ITGB1BP1: variants seen among roughly 807,000 people sequenced by gnomAD.
ITGB1BP1 encodes integrin beta-1-binding protein 1.
In ITGB1BP1, 20 loss-of-function variants were observed where a neutral mutation model predicts 28.0. That is an observed-to-expected ratio of 0.71 (90% CI 0.50 to 1.04). The LOEUF (loss-of-function observed/expected upper bound fraction) is 1.04, where lower values mean the gene tolerates loss of function less well. Among genes scored for constraint, ITGB1BP1 ranks in the 50% least tolerant of loss-of-function variants. The pLI is 0.00. For synonymous variants in ITGB1BP1, 103 were observed against 89.5 expected, an observed-to-expected ratio of 1.15 and a Z score of -0.85; for missense variants, 228 against 242.5, an observed-to-expected ratio of 0.94 and a Z score of 0.40.
chr2:9,422,232 T>A (rs1004858101), intron 1 of ITGB1BP1, among the ~76,000 whole-genome samples: 2 of 152,240 alleles, frequency 1.3e-5, no homozygotes, highest in African/African-American at 4.8e-5. Flanking sequence ...GCCACTAGCC[T>A]GCTGAAAATC....
At chr2:9,408,994 G>A (rs1558422731) in intron 4 of ITGB1BP1, among the ~76,000 whole-genome samples, 2 of 152,228 alleles carry the variant, frequency 1.3e-5, no homozygotes, top group African/African-American at 4.8e-5. Flanking sequence ...CACATATCCT[G>A]CCCAGATGGG....
intron 4 of ITGB1BP1, among the ~76,000 whole-genome samples, chr2:9,409,017 G>A (rs948960843): frequency 2.6e-5 from 4 of 152,244 alleles, no homozygotes; most frequent in African/African-American, 7.2e-5. Context: ...GGCGTGTCTG[G>A]TGATGCCACG....
At chr2:9,423,233 A>G (rs930922017) in intron 1 of ITGB1BP1, 140 bp downstream of exon 1, 3 of 1,130,956 alleles carry the variant, frequency 2.7e-6, no homozygotes, top group African/African-American at 3.4e-5. Context: ...CCCGGAACCA[A>G]GCCCGAGCCC....
chr2:9,418,486 G>A (rs1350717471), intron 2 of ITGB1BP1, 140 bp downstream of exon 2: 2 of 699,862 alleles, frequency 2.9e-6, no homozygotes, highest in Non-Finnish European at 2.6e-6. Context: ...CATCTCTAGT[G>A]CAAAAAGTAA....
chr2:9,410,987 G>A (rs1014903263), intron 4 of ITGB1BP1, among the ~76,000 whole-genome samples: 7 of 152,104 alleles, frequency 4.6e-5, no homozygotes, highest in East Asian at 1.9e-4. Flanking sequence ...CTTTTAATGC[G>A]CACATAAAAA....
chr2:9,408,495 A>G (rs1373822848), intron 4 of ITGB1BP1: 2 of 270,982 alleles, frequency 7.4e-6, no homozygotes, highest in Non-Finnish European at 1.4e-5. Context: ...TCAAGTGAGC[A>G]CATCCGGCTA....
intron 6 of ITGB1BP1, 102 bp downstream of exon 6, chr2:9,407,347 T>G: frequency 7.7e-7 from 1 of 1,301,068 alleles, no homozygotes; most frequent in South Asian, 1.3e-5. Context: ...GGCCAAGATA[T>G]TCCATATATA....
rs1039312181 is a variant in ITGB1BP1, at chr2:9,415,642, C to A, written c.73-1386G>T. Among the ~76,000 whole-genome samples, 1 of 152,162 alleles carries A rather than the reference C, an allele frequency of 6.6e-6. No individual in the cohort carries two copies. The highest frequency in any genetic ancestry group is 6.5e-5 in the Admixed American group (1 of 15,282). On this transcript the variant is annotated intron_variant, in intron 2 of 6. Coordinates refer to ENST00000355346, the MANE Select transcript of ITGB1BP1 (RefSeq NM_004763.5). This position sits in a 1 kb window ranked among gnomAD's most constrained non-coding sequence, Gnocchi z 4.1. ...ATGAGATTTCCCTGTAGGGTCCCCA[C>A]GCTTAAGGCTGAGGAAGTGGCAGTA...
chr2:9,421,404 A>G (rs1572743411), intron 1 of ITGB1BP1, among the ~76,000 whole-genome samples: 1 of 152,246 alleles, frequency 6.6e-6, no homozygotes, highest in East Asian at 1.9e-4. Context: ...TCTTGCCTCA[A>G]AATTATTCAT....
At chr2:9,407,400 G>A (rs1342488030) in intron 6 of ITGB1BP1, 49 bp downstream of exon 6, 3 of 1,603,356 alleles carry the variant, frequency 1.9e-6, no homozygotes. Flanking sequence ...TAGTCCCTGG[G>A]TGTTGCGACT....
chr2:9,422,144 G>C lies in ITGB1BP1; in HGVS notation c.-36+1229C>G, dbSNP rs1679958287. The stretch of plus-strand genomic sequence containing the variant: ...GTGGATAAGGGACCTTGTCCTACTG[G>C]ATTCCCTAACACTTTAAATCTACCC... On this transcript the variant is annotated intron_variant, in intron 1 of 6. Transcript: ENST00000355346. Among the ~76,000 whole-genome samples, 6 of 152,172 alleles carry C rather than the reference G, an allele frequency of 3.9e-5. No homozygotes were observed. The South Asian group carries it at 1.2e-3, about 32-fold the overall frequency.
intron 2 of ITGB1BP1, among the ~76,000 whole-genome samples, chr2:9,418,320 G>A (rs902576957): frequency 6.6e-6 from 1 of 152,162 alleles, no homozygotes; most frequent in Non-Finnish European, 1.5e-5. Flanking sequence ...AAGAGGCCCA[G>A]CCCCTTAATG....
At chr2:9,412,044 A>C (rs1250446782) in intron 4 of ITGB1BP1, 1 of 120,694 alleles carries the variant, frequency 8.3e-6, no homozygotes, top group Non-Finnish European at 1.7e-5. Context: ...CTTGGTCTCA[A>C]AAAAAAAAAA....
intron 2 of ITGB1BP1, among the ~76,000 whole-genome samples, chr2:9,418,019 T>G (rs1186328877): frequency 6.6e-6 from 1 of 152,158 alleles, no homozygotes; most frequent in African/African-American, 2.4e-5. Context: ...GAGGTAGAAA[T>G]AAAATTGCCA....
In ITGB1BP1 at chr2:9,423,479, C is replaced by G. The variant is rs1395310461; in HGVS notation, c.-142G>C. ...ACTCCCGTTCCCGCTCCAGCGCCGG[C>G]TTTTCCAGCCCTCCTGCCCACGTCC... On this transcript the variant is annotated 5_prime_UTR_variant, in exon 1 of 7. Coordinates refer to ENST00000355346, the MANE Select transcript of ITGB1BP1 (RefSeq NM_004763.5). 4 of 1,194,056 alleles carry G rather than the reference C, an allele frequency of 3.3e-6. No individual in the cohort carries two copies. The highest frequency in any genetic ancestry group is 1.6e-5 in the African/African-American group (1 of 61,482). 74.0% of individuals were successfully genotyped at this position (1,194,056 alleles called of 1,614,324 possible). A position where few individuals can be genotyped will look rare whatever the true frequency, so the allele number is the denominator to read the frequency against.
At chr2:9,411,448 A>G in intron 4 of ITGB1BP1, among the ~76,000 whole-genome samples, 1 of 152,220 alleles carries the variant, frequency 6.6e-6, no homozygotes, top group African/African-American at 2.4e-5. Context: ...TAGGCCGGGC[A>G]CAAGGGCTCA....
At chr2:9,412,700 C>T (rs1678601586) in intron 3 of ITGB1BP1, 1 of 213,456 alleles carries the variant, frequency 4.7e-6, no homozygotes. Flanking sequence ...TAATGATTAC[C>T]TTTATGACGC....
At chr2:9,414,053 G>T in intron 3 of ITGB1BP1, 125 bp downstream of exon 3, 1 of 812,554 alleles carries the variant, frequency 1.2e-6, no homozygotes, top group Non-Finnish European at 2.1e-6. Flanking sequence ...CTAAACTCTT[G>T]TCAAAAGTGG....
intron 5 of ITGB1BP1, among the ~76,000 whole-genome samples, 167 bp from the exon 6 acceptor site, chr2:9,407,765 G>A (rs933803735): frequency 2.0e-5 from 3 of 152,096 alleles, no homozygotes; most frequent in Non-Finnish European, 4.4e-5. Flanking sequence ...TCAGATCCCA[G>A]CAAGCCAGGA....
Sources: allele counts gnomAD v4.1 joint callset (sites outside exome capture counted in the v4.1 genomes callset), GRCh38; gene constraint gnomAD v4.1.1; non-coding constraint Gnocchi (gnomAD v3.1); transcripts MANE v1.5; gene names NCBI Gene and HGNC (gene_info 2026-07-23, HGNC 2026-07-21).